ZZEF1: variants seen among roughly 807,000 people sequenced by gnomAD.
The protein encoded by ZZEF1 is zinc finger ZZ-type and EF-hand domain containing 1, also known as zinc finger ZZ-type and EF-hand domain-containing protein 1.
A neutral mutation model predicts 342.8 loss-of-function variants in ZZEF1; 157 were observed. That is an observed-to-expected ratio of 0.46 (90% confidence interval 0.40 to 0.52). The LOEUF is 0.52. ZZEF1 is among the 20% of genes least tolerant of loss of function. The probability of loss-of-function intolerance (pLI) is 0.00; values close to 1 mark genes in which losing one functional copy is unlikely to be tolerated. For synonymous variants in ZZEF1, 1,505 were observed against 1,429.1 expected (o/e 1.05, Z -1.20); for missense variants, 3,480 against 3,725.6 (o/e 0.93, Z 1.72).
intron 1 of ZZEF1, among the ~76,000 whole-genome samples, chr17:4,133,371 C>T (rs1567871550): frequency 6.6e-6 from 1 of 152,202 alleles, no homozygotes; most frequent in Admixed American, 6.5e-5. Context: ...GCATCCAAGG[C>T]TTCAGGGTTC....
intron 10 of ZZEF1, 111 bp downstream of exon 10, chr17:4,096,498 C>A (rs1347963834): frequency 3.6e-6 from 3 of 841,750 alleles, no homozygotes; most frequent in Admixed American, 4.1e-5. Context: ...ACATTGCATG[C>A]CTGTATCAAA....
intron 26 of ZZEF1, among the ~76,000 whole-genome samples, chr17:4,068,121 T>C (rs1308321122): frequency 1.3e-5 from 2 of 152,150 alleles, no homozygotes; most frequent in Admixed American, 6.5e-5. Context: ...TACACATATA[T>C]ATATACAAAT....
At chr17:4,026,391 T>TA (rs1476034852) in intron 42 of ZZEF1, among the ~76,000 whole-genome samples, 2 of 152,106 alleles carry the variant, frequency 1.3e-5, no homozygotes, top group East Asian at 3.8e-4. Flanking sequence ...GGCACATGCA[T>TA]AATTGAATTG....
rs1331683928 is a variant in ZZEF1, at chr17:4,014,435, C to T, written c.8226G>A (p.Glu2742=). 6 of 1,614,126 alleles carry T rather than the reference C, an allele frequency of 3.7e-6. No individual in the cohort carries two copies. In the African/African-American group the frequency reaches 8.0e-5, roughly 22 times the overall value. ...AGTCACTGCTGCTGGACATGGCTAA[C>T]TCGTCACAGCCCTCCTCTGTGTTGC... ...SQCNTEEGCD[E]LAMSSSSDFQ... The change falls in exon 50 of 55, where the codon GAG becomes GAA. Residue 2742 remains glutamate, a synonymous_variant. Transcript: ENST00000381638. This position sits in a 1 kb window ranked among gnomAD's most constrained non-coding sequence, Gnocchi z 4.4.
At chr17:4,065,823 G>C (rs1597838686) in intron 28 of ZZEF1, among the ~76,000 whole-genome samples, 1 of 152,086 alleles carries the variant, frequency 6.6e-6, no homozygotes, top group Non-Finnish European at 1.5e-5. Context: ...AATATTCAGT[G>C]TGAGCACACT....
chr17:4,082,390 T>C (rs750215926), intron 17 of ZZEF1, 47 bp downstream of exon 17: 11 of 1,592,716 alleles, frequency 6.9e-6, no homozygotes, highest in Non-Finnish European at 8.6e-7. Flanking sequence ...AAAACAACTT[T>C]GCAAAGATTT....
In ZZEF1 at chr17:4,008,896, C is replaced by T. The variant is rs754496099; in HGVS notation, c.8792G>A (p.Arg2931His). 12 of 1,546,936 alleles carry T rather than the reference C, an allele frequency of 7.8e-6. No homozygotes were observed. Among genetic ancestry groups the T allele is most frequent in the South Asian group, 4.8e-5 (4 of 84,200 alleles). Residue 2931 changes from arginine to histidine, a missense_variant, in exon 54 of 55, where the codon CGC becomes CAC. Arg to His is a conservative substitution (Grantham distance 29, BLOSUM62 0). This residue lies in a region of ZZEF1 where 1,269 missense variants were observed against 1,342.4 expected (regional missense o/e 0.95). Coordinates refer to ENST00000381638, the MANE Select transcript of ZZEF1 (RefSeq NM_015113.4). The surrounding 1 kb of genome is among the most constrained non-coding windows in gnomAD (Gnocchi z 4.2). ...TGGAGAGAGTACCTGTGCCGCACAG[C>T]GGAGAAGGTGGTCGTCCGTGGTTAG... ...LALTTDDHLL[R>H]CAAQALQNIA...
intron 42 of ZZEF1, among the ~76,000 whole-genome samples, chr17:4,030,353 T>G (rs984836834): frequency 5.3e-5 from 8 of 152,212 alleles, no homozygotes; most frequent in African/African-American, 1.7e-4. Flanking sequence ...CTGAATGATG[T>G]ACCATGCACT....
chr17:4,019,621 C>T (rs2056212846), intron 46 of ZZEF1, 48 bp downstream of exon 46: 1 of 1,554,650 alleles, frequency 6.4e-7, no homozygotes, highest in Admixed American at 1.7e-5. Flanking sequence ...CCCGCCCTCA[C>T]ATATTCTCTC....
intron 3 of ZZEF1, among the ~76,000 whole-genome samples, chr17:4,116,261 G>C (rs1287196889): frequency 6.6e-6 from 1 of 152,228 alleles, no homozygotes. Flanking sequence ...GGAGGCTGCA[G>C]AGATCACGCC....
At chr17:4,042,659 C>T (rs1283070084) in intron 38 of ZZEF1, 91 bp from the exon 39 acceptor site, 12 of 1,280,742 alleles carry the variant, frequency 9.4e-6, no homozygotes, top group African/African-American at 3.0e-5. Context: ...TGTGCTGCTA[C>T]GGAATAAAGC....
At chr17:4,049,885 G>A in intron 36 of ZZEF1, 26 bp from the exon 37 acceptor site, 1 of 1,606,888 alleles carries the variant, frequency 6.2e-7, no homozygotes, top group Middle Eastern at 1.7e-4. Flanking sequence ...ATCAGAGAAT[G>A]GTTAGAAGTT....
chr17:4,084,199 A>G (rs1288269076), intron 16 of ZZEF1, among the ~76,000 whole-genome samples: 1 of 152,180 alleles, frequency 6.6e-6, no homozygotes, highest in Non-Finnish European at 1.5e-5. Flanking sequence ...TACCAGATTG[A>G]AGGAGTTTCT....
intron 43 of ZZEF1, among the ~76,000 whole-genome samples, chr17:4,023,656 C>CAA (rs71144154): frequency 0.55 from 39,265 of 71,232 alleles, 9,218 homozygotes; most frequent in Admixed American, 0.61. Context: ...CCTGTCTCTC[C>CAA]AAAAAAAAAA....
intron 32 of ZZEF1, 63 bp downstream of exon 32, chr17:4,057,931 A>G: frequency 6.5e-7 from 1 of 1,539,078 alleles, no homozygotes; most frequent in Non-Finnish European, 8.9e-7. Flanking sequence ...TAACGCCCCC[A>G]CTATGTTCCT....
chr17:4,049,552 A>G (rs1484187866), intron 37 of ZZEF1, among the ~76,000 whole-genome samples, 156 bp downstream of exon 37: 1 of 152,176 alleles, frequency 6.6e-6, no homozygotes, highest in Non-Finnish European at 1.5e-5. Flanking sequence ...TGAAGAGATG[A>G]TAACAACATG....
At chr17:4,094,826 G>A (rs62071002) in intron 11 of ZZEF1, among the ~76,000 whole-genome samples, 1 of 151,984 alleles carries the variant, frequency 6.6e-6, no homozygotes, top group Non-Finnish European at 1.5e-5. Context: ...TGCTGCTCTA[G>A]TAGGAGTCAC....
At chr17:4,061,037 C>T (rs1187326707) in intron 30 of ZZEF1, among the ~76,000 whole-genome samples, 1 of 152,246 alleles carries the variant, frequency 6.6e-6, no homozygotes, top group East Asian at 1.9e-4. Context: ...CGTTTCTCTG[C>T]TCCCTTTGAG....
intron 39 of ZZEF1, among the ~76,000 whole-genome samples, chr17:4,039,563 G>C (rs1373319039): frequency 6.6e-6 from 1 of 151,880 alleles, no homozygotes; most frequent in South Asian, 2.1e-4. Context: ...TGGCAGAAAG[G>C]CATTTCCTTA....
Sources: gnomAD v4.1 joint callset for allele counts (sites outside exome capture counted in the v4.1 genomes callset) on GRCh38, gnomAD v4.1.1 for gene constraint, gnomAD v4.1.1 regional missense constraint, Gnocchi (gnomAD v3.1) non-coding constraint, MANE v1.5 for transcripts, NCBI Gene and HGNC (gene_info 2026-07-23, HGNC 2026-07-21) for gene names.